Variants in FAM135A observed in about 807,000 individuals in gnomAD.
FAM135A encodes the protein protein FAM135A.
A neutral mutation model predicts 146.8 loss-of-function variants in FAM135A; 79 were observed. The observed-to-expected ratio is 0.54, with a 90% CI of 0.45 to 0.65. FAM135A has a LOEUF of 0.65. Among genes scored for constraint, FAM135A ranks in the 30% least tolerant of loss-of-function variants. The probability of loss-of-function intolerance (pLI) is 0.00; values close to 1 mark genes in which losing one functional copy is unlikely to be tolerated. For synonymous variants in FAM135A, 562 were observed against 603.6 expected, an observed-to-expected ratio of 0.93 and a Z score of 1.01; for missense variants, 1,623 against 1,758.2, an observed-to-expected ratio of 0.92 and a Z score of 1.38.
chr6:70,547,342 T>G (rs1301694225), intron 20 of FAM135A, among the ~76,000 whole-genome samples: 1 of 152,208 alleles, frequency 6.6e-6, no homozygotes, highest in African/African-American at 2.4e-5. Flanking sequence ...TCAAATTTAT[T>G]TAAAATGAGT....
At chr6:70,480,831 C>A in intron 8 of FAM135A, 70 bp from the exon 9 acceptor site, 1 of 1,436,786 alleles carries the variant, frequency 7.0e-7, no homozygotes, top group Non-Finnish European at 9.2e-7. Context: ...TAAGATTTTC[C>A]TTTGTAAATA....
chr6:70,516,814 T>C (rs553321347), intron 12 of FAM135A, among the ~76,000 whole-genome samples: 4 of 152,168 alleles, frequency 2.6e-5, no homozygotes, highest in African/African-American at 9.6e-5. Context: ...GGATTACAGG[T>C]GTGAGCCACC....
At chr6:70,484,999 A>G (rs921973233) in intron 10 of FAM135A, among the ~76,000 whole-genome samples, 27 of 152,228 alleles carry the variant, frequency 1.8e-4, no homozygotes, top group Non-Finnish European at 1.0e-4. Flanking sequence ...ATTTAATTTC[A>G]GAAGTTAATT....
At chr6:70,418,355 G>A (rs942156562) in intron 2 of FAM135A, 3 of 152,176 alleles carry the variant, frequency 2.0e-5, no homozygotes, top group Non-Finnish European at 4.4e-5. Context: ...TATTGAGCCA[G>A]AGTCTGCTCT....
chr6:70,536,422 T>C lies in FAM135A; in HGVS notation c.4117+11T>C, dbSNP rs767273411. 1.3e-6 allele frequency: 2 copies of C among 1,571,618 alleles called. No individual in the cohort carries two copies. The highest frequency in any genetic ancestry group is 1.2e-5 in the South Asian group (1 of 81,852). On this transcript the variant is annotated intron_variant, in intron 19 of 21. Coordinates refer to ENST00000418814, the MANE Select transcript of FAM135A (RefSeq NM_001162529.3). ...CTCTTGTTAATACAGGTAAAAAGTT[T>C]TATTGTTCTGTATTAAAAATATGGA...
intron 18 of FAM135A, among the ~76,000 whole-genome samples, chr6:70,535,495 T>G (rs1268919975): frequency 1.3e-5 from 2 of 152,052 alleles, no homozygotes; most frequent in Admixed American, 1.3e-4. Context: ...GCATTAGATT[T>G]GTGAACGCTA....
intron 8 of FAM135A, among the ~76,000 whole-genome samples, chr6:70,480,540 T>A (rs919139693): frequency 2.6e-5 from 4 of 152,218 alleles, no homozygotes; most frequent in Non-Finnish European, 5.9e-5. Context: ...TTTCATTAAG[T>A]GTTAACACTG....
chr6:70,441,475 C>G (rs1774461528), intron 4 of FAM135A, among the ~76,000 whole-genome samples: 1 of 152,136 alleles, frequency 6.6e-6, no homozygotes, highest in Non-Finnish European at 1.5e-5. Context: ...TCCCACAGGA[C>G]AGTCTAAGCA....
At chr6:70,554,347 T>A (rs1394513436) in intron 20 of FAM135A, among the ~76,000 whole-genome samples, 9 of 152,300 alleles carry the variant, frequency 5.9e-5, no homozygotes, top group Middle Eastern at 3.4e-3. Context: ...GGCTACCAGG[T>A]AGAATTAAAA....
At chr6:70,491,205 G>C in intron 11 of FAM135A, 122 bp downstream of exon 11, 1 of 784,092 alleles carries the variant, frequency 1.3e-6, no homozygotes, top group Non-Finnish European at 2.0e-6. Flanking sequence ...AGATAAAATG[G>C]TTGATCATGG....
chr6:70,444,869 G>C (rs1487742784), intron 4 of FAM135A, among the ~76,000 whole-genome samples: 1 of 152,086 alleles, frequency 6.6e-6, no homozygotes, highest in Admixed American at 6.5e-5. Context: ...ACAGTTTATT[G>C]ACATAGCATC....
chr6:70,536,593 A>C (rs1796832652), intron 19 of FAM135A, among the ~76,000 whole-genome samples, 182 bp downstream of exon 19: 1 of 152,196 alleles, frequency 6.6e-6, no homozygotes, highest in Non-Finnish European at 1.5e-5. Flanking sequence ...GTCATTTTAG[A>C]AAATGGCTTT....
At chr6:70,534,793 A>C (rs898516267) in intron 18 of FAM135A, among the ~76,000 whole-genome samples, 3 of 152,246 alleles carry the variant, frequency 2.0e-5, no homozygotes, top group Non-Finnish European at 2.9e-5. Flanking sequence ...GGTTAGAGGA[A>C]GAAGCTGGTT....
intron 4 of FAM135A, among the ~76,000 whole-genome samples, chr6:70,429,538 T>TA (rs918386554): frequency 4.0e-5 from 6 of 150,006 alleles, no homozygotes; most frequent in East Asian, 2.0e-4. Flanking sequence ...AAATAAAAAT[T>TA]AAAAAAAAAG....
At chr6:70,481,287 G>T (rs751297908) in intron 9 of FAM135A, among the ~76,000 whole-genome samples, 1 of 152,074 alleles carries the variant, frequency 6.6e-6, no homozygotes, top group South Asian at 2.1e-4. Flanking sequence ...TCACCCCTTG[G>T]TCCAACAACT....
chr6:70,451,541 C>G (rs1375981593), intron 4 of FAM135A, among the ~76,000 whole-genome samples: 5 of 152,080 alleles, frequency 3.3e-5, no homozygotes, highest in African/African-American at 7.2e-5. Context: ...TCTCATGCCC[C>G]TTTAAAGCCA....
At position 70,479,134 on chromosome 6, in the gene FAM135A, G is replaced by C. The variant is rs958646337; in HGVS notation, c.543-1767G>C. Reference sequence around the variant, plus strand: ...TACCAAGATTATCTTCATAAAACTAGCTGTGTTTCTTTCCTGCAAAATGCA... The same window carrying C: ...TACCAAGATTATCTTCATAAAACTACCTGTGTTTCTTTCCTGCAAAATGCA... On this transcript the variant is annotated intron_variant, in intron 8 of 21. Transcript: ENST00000418814. 2.6e-5 allele frequency among the ~76,000 whole-genome samples: 4 copies of C among 152,148 alleles called. No homozygotes were observed. In the Middle Eastern group the frequency reaches 0.014, roughly 518 times the overall value.
At chr6:70,421,889 A>T (rs564081514) in intron 2 of FAM135A, among the ~76,000 whole-genome samples, 1 of 151,950 alleles carries the variant, frequency 6.6e-6, no homozygotes, top group Admixed American at 6.6e-5. Flanking sequence ...GGGTCATGAA[A>T]CTCTTAGCTT....
At chr6:70,502,614 AT>A (rs775403944) in intron 11 of FAM135A, 21 bp from the exon 12 acceptor site, 78 of 1,595,650 alleles carry the variant, frequency 4.9e-5, no homozygotes, top group East Asian at 4.5e-4. Flanking sequence ...AAATAGTGAA[AT>A]TTTTTTTCTT....
Sources: allele counts gnomAD v4.1 joint callset (sites outside exome capture counted in the v4.1 genomes callset), GRCh38; gene constraint gnomAD v4.1.1; transcripts MANE v1.5; gene names NCBI Gene and HGNC (gene_info 2026-07-23, HGNC 2026-07-21).